The following IL12RB1 variants were observed in gnomAD, a reference collection of about 807,000 sequenced individuals.
IL12RB1 encodes interleukin 12 receptor subunit beta 1, also known as interleukin-12 receptor subunit beta-1.
A neutral mutation model predicts 94.4 loss-of-function variants in IL12RB1; 64 were observed. The observed-to-expected ratio is 0.68, with a 90% CI of 0.55 to 0.83. The LOEUF is 0.83. Among genes scored for constraint, IL12RB1 ranks in the 40% least tolerant of loss-of-function variants. IL12RB1 has a pLI of 0.00. For missense variants in IL12RB1, 814 were observed against 855.6 expected (o/e 0.95, Z 0.61); for synonymous variants, 362 against 355.5 (o/e 1.02, Z -0.21).
exon 1 of IL12RB1, chr19:18,098,809 A>G (rs1440045205): frequency 1.3e-5 from 6 of 456,552 alleles, no homozygotes; most frequent in Middle Eastern, 3.3e-4. Context: ...GAGGCAGCGG[A>G]GTGTTCTGCA....
chr19:18,079,594 C>G (rs1410151088), intron 4 of IL12RB1, among the ~76,000 whole-genome samples: 2 of 151,938 alleles, frequency 1.3e-5, no homozygotes, highest in Non-Finnish European at 2.9e-5. Flanking sequence ...CCTAGATATT[C>G]GACTTTTTTT....
In IL12RB1 at chr19:18,066,641, CAG is replaced by C; in HGVS notation, c.1382_1383del (p.Ser461CysfsTer27). The C allele has an allele frequency of 6.2e-7, 1 of 1,612,104 alleles. No individual in the cohort carries two copies. The highest frequency in any genetic ancestry group is 8.5e-7 in the Non-Finnish European group (1 of 1,178,384). ...AGGGATGGTGCCCAGTCCACAGACA[CAG>C]AGTCCAAGCTATGATTCTTCACCGA... ...HVSVKNHSLD[S>X]VSVDWAPSLL... On this transcript the variant is annotated frameshift_variant, in exon 12 of 17. Transcript: ENST00000593993. LOFTEE classifies it high-confidence loss of function.
chr19:18,063,878 A>C lies in IL12RB1; in HGVS notation c.1616T>G (p.Ile539Ser). Residue 539 changes from isoleucine (I) to serine (S), a missense_variant and splice_region_variant, in exon 13 of 17, where the codon ATC (isoleucine) becomes AGC (serine). Physicochemically the swap from Ile to Ser is moderately radical, Grantham distance 142. Coordinates refer to ENST00000593993, the MANE Select transcript of IL12RB1 (RefSeq NM_005535.3). ...GVWSQPQRFS[I>S]EVQVSDWLIF... ...TGGGTCCTACCCCCTCCACTCACCG[A>C]TGCTGAAGCGCTGGGGCTGGCTCCA... 1 of 1,613,184 alleles carries C rather than the reference A, an allele frequency of 6.2e-7. No individual in the cohort carries two copies. The highest frequency in any genetic ancestry group is 8.5e-7 in the Non-Finnish European group (1 of 1,179,580).
chr19:18,072,177 A>G lies in IL12RB1; in HGVS notation c.956T>C (p.Ile319Thr). The G allele has an allele frequency of 6.2e-7, 1 of 1,614,126 alleles. No individual in the cohort carries two copies. Among genetic ancestry groups the G allele is most frequent in the Non-Finnish European group, 8.5e-7 (1 of 1,180,022 alleles). Residue 319 changes from isoleucine (I) to threonine (T), a missense_variant, in exon 9 of 17, where the codon ATC becomes ACC. By Grantham distance (89) the Ile-to-Thr change is moderately conservative (BLOSUM62 -1). Transcript: ENST00000593993. ...GCCAGGACCAAATTGGTTCGAGGAG[A>G]TGACAGCCACGTTGTAGGCAGCACC... ...LSGAAYNVAV[I>T]SSNQFGPGLN...
intron 16 of IL12RB1, 35 bp downstream of exon 16, chr19:18,059,859 C>CA (rs1054291798): frequency 8.0e-7 from 1 of 1,252,478 alleles, no homozygotes; most frequent in African/African-American, 1.5e-5. Flanking sequence ...GGCAGGGTTG[C>CA]ACCCCTGACC....
intron 1 of IL12RB1, among the ~76,000 whole-genome samples, chr19:18,084,939 GAGGGTGCATGGC>G (rs1186240875): frequency 6.6e-6 from 1 of 152,248 alleles, no homozygotes; most frequent in Non-Finnish European, 1.5e-5. Context: ...AAAGACAGTA[GAGGGTGCATGGC>G]AGGGAGAGGC....
chr19:18,065,905 G>A (rs1568490100), intron 12 of IL12RB1, among the ~76,000 whole-genome samples: 1 of 151,780 alleles, frequency 6.6e-6, no homozygotes, highest in Non-Finnish European at 1.5e-5. Flanking sequence ...TGTGCATGGT[G>A]GTGTGCACCT....
intron 1 of IL12RB1, among the ~76,000 whole-genome samples, chr19:18,094,130 C>CTTGTT (rs1378912851): frequency 3.3e-5 from 5 of 152,162 alleles, no homozygotes; most frequent in African/African-American, 1.2e-4. Context: ...TTTGTTTTGT[C>CTTGTT]TTGTTTTGTT....
Position 18,082,224 on chromosome 19 carries a change from T to C in IL12RB1, c.165A>G (p.Ile55Met), listed in dbSNP as rs1276919423. Reference protein sequence around the residue: ...SGPRDLRCYRISSDRYECSWQ... With the variant: ...SGPRDLRCYRMSSDRYECSWQ... ...AGGAGCACTCGTAACGATCACTGGA[T>C]ATCCGATAGCATCTCAGGTCCCTAG... is the stretch of plus-strand genomic sequence containing the variant. The change falls in exon 3 of 17, where the codon ATA becomes ATG. Residue 55 changes from isoleucine to methionine, a missense_variant. Physicochemically the swap from Ile to Met is conservative, Grantham distance 10. Transcript: ENST00000593993. The C allele has an allele frequency of 1.9e-6, 3 of 1,613,706 alleles. No homozygotes were observed. The African/African-American group carries it at 4.0e-5, about 22-fold the overall frequency.
chr19:18,082,805 G>T (rs933098421), intron 2 of IL12RB1, among the ~76,000 whole-genome samples: 1 of 152,230 alleles, frequency 6.6e-6, no homozygotes, highest in East Asian at 1.9e-4. Context: ...GGCCGGGCAC[G>T]GTGGCTCATT....
At chr19:18,094,648 G>C (rs2036801195) in intron 1 of IL12RB1, among the ~76,000 whole-genome samples, 1 of 152,130 alleles carries the variant, frequency 6.6e-6, no homozygotes, top group African/African-American at 2.4e-5. Flanking sequence ...AGGATCGCTT[G>C]AGCCCAAGAT....
At chr19:18,073,131 C>T (rs1285394446) in intron 8 of IL12RB1, among the ~76,000 whole-genome samples, 1 of 152,034 alleles carries the variant, frequency 6.6e-6, no homozygotes, top group Non-Finnish European at 1.5e-5. Context: ...TCCCTCTATG[C>T]CTCAGTTTCC....
chr19:18,068,301 C>T (rs1329609650), intron 11 of IL12RB1, 88 bp downstream of exon 11: 22 of 1,097,368 alleles, frequency 2.0e-5, no homozygotes, highest in East Asian at 2.7e-5. Context: ...GCTGGGATTA[C>T]ATGCGTGAGT....
Position 18,062,226 on chromosome 19 carries a change from A to C in IL12RB1, c.1670T>G (p.Leu557Arg), listed in dbSNP as rs1380299991. The stretch of plus-strand genomic sequence containing the variant: ...AAGGACGCCCACGAGAAGGATGCTC[A>C]GGAAGCTCCCCAGGGAGGCGAAGAA... Reference protein sequence around the residue: ...LIFFASLGSFLSILLVGVLGY... With the variant: ...LIFFASLGSFRSILLVGVLGY... Residue 557 changes from leucine (L) to arginine (R), a missense_variant, in exon 14 of 17, where the codon CTG becomes CGG. By Grantham distance (102) the Leu-to-Arg change is moderately radical. Coordinates refer to ENST00000593993, the MANE Select transcript of IL12RB1 (RefSeq NM_005535.3). 4 of 1,613,436 alleles carry C rather than the reference A, an allele frequency of 2.5e-6. No homozygotes were observed. Among genetic ancestry groups the C allele is most frequent in the Non-Finnish European group, 3.4e-6 (4 of 1,179,660 alleles).
chr19:18,076,612 C>G (rs537805921), intron 5 of IL12RB1, among the ~76,000 whole-genome samples: 1 of 152,086 alleles, frequency 6.6e-6, no homozygotes, highest in Non-Finnish European at 1.5e-5. Context: ...CCATGTTGCC[C>G]AGGCTGGTCT....
At position 18,072,159 on chromosome 19, in the gene IL12RB1, C is replaced by T; in HGVS notation, c.974G>A (p.Gly325Asp). ...GTGCCACGTCTGGTTCAGGCCAGGACCAAATTGGTTCGAGGAGATGACAGC... is the reference window on the plus strand; with the variant it reads ...GTGCCACGTCTGGTTCAGGCCAGGATCAAATTGGTTCGAGGAGATGACAGC... ...NVAVISSNQF[G>D]PGLNQTWHIP... The change falls in exon 9 of 17, where the codon GGT (glycine) becomes GAT (aspartate). Residue 325 changes from glycine (G) to aspartate (D), a missense_variant. Gly to Asp is a moderately conservative substitution (Grantham distance 94). Transcript: ENST00000593993. 1 of 1,614,156 alleles carries T rather than the reference C, an allele frequency of 6.2e-7. No individual in the cohort carries two copies. Among genetic ancestry groups the T allele is most frequent in the South Asian group, 1.1e-5 (1 of 91,082 alleles).
intron 7 of IL12RB1, among the ~76,000 whole-genome samples, chr19:18,074,913 G>A (rs1339937268): frequency 1.3e-5 from 2 of 151,394 alleles, no homozygotes; most frequent in African/African-American, 2.4e-5. Context: ...TTAACCGGGC[G>A]TGGTTGCAGA....
chr19:18,080,223 T>C (rs1020388456), intron 4 of IL12RB1, among the ~76,000 whole-genome samples: 9 of 151,008 alleles, frequency 6.0e-5, no homozygotes, highest in African/African-American at 1.9e-4. Flanking sequence ...ACCAGGCAAA[T>C]TTTTTTGGCT....
At position 18,059,566 on chromosome 19, in the gene IL12RB1, G is replaced by A. The variant is rs549618330; in HGVS notation, c.*42C>T. ...CAAATGTGACTCCTGTGTGTGCTACGTAGCCTCGGGCGAGTCACTCACCCT... is the reference window on the plus strand; with the variant it reads ...CAAATGTGACTCCTGTGTGTGCTACATAGCCTCGGGCGAGTCACTCACCCT... On this transcript the variant is annotated 3_prime_UTR_variant, in exon 17 of 17. Coordinates refer to ENST00000593993, the MANE Select transcript of IL12RB1 (RefSeq NM_005535.3). 20 of 778,872 alleles carry A rather than the reference G, an allele frequency of 2.6e-5. No homozygotes were observed. Among genetic ancestry groups the A allele is most frequent in the South Asian group, 1.1e-4 (8 of 74,224 alleles). The allele number at this position is 778,872 out of a possible 1,614,324, so 48.2% of individuals were successfully genotyped here. A position where few individuals can be genotyped will look rare whatever the true frequency, so the allele number is the denominator to read the frequency against.
Sources: allele counts gnomAD v4.1 joint callset (sites outside exome capture counted in the v4.1 genomes callset), GRCh38; gene constraint gnomAD v4.1.1; transcripts MANE v1.5; gene names NCBI Gene and HGNC (gene_info 2026-07-23, HGNC 2026-07-21).